The following HAGH variants were observed in gnomAD, a reference collection of about 807,000 sequenced individuals.
The protein encoded by HAGH is hydroxyacylglutathione hydrolase, mitochondrial.
Under a neutral mutation model 35.1 loss-of-function variants are expected in HAGH, and 29 were observed. That is an observed-to-expected ratio of 0.83 (90% CI 0.62 to 1.13). HAGH has a LOEUF of 1.13. Ranked by LOEUF, HAGH falls within the 50% of genes most tolerant of loss-of-function variation. HAGH has a pLI of 0.00. For missense variants in HAGH, 478 were observed against 419.6 expected, an observed-to-expected ratio of 1.14 and a Z score of -1.22; for synonymous variants, 225 against 176.1, an observed-to-expected ratio of 1.28 and a Z score of -2.20.
chr16:1,822,444 CA>C (rs1898197067), intron 2 of HAGH, 80 bp from the exon 3 acceptor site: 1 of 1,085,598 alleles, frequency 9.2e-7, no homozygotes, highest in Admixed American at 1.7e-5. Context: ...GGGTGCCCAG[CA>C]GAACCCAGGA....
upstream of HAGH, chr16:1,827,085 G>A (rs746561454): frequency 3.4e-6 from 4 of 1,166,194 alleles, no homozygotes; most frequent in East Asian, 2.6e-5. Flanking sequence ...TGGAGGCCGA[G>A]CGCCACGCCG....
intron 2 of HAGH, 33 bp from the exon 3 acceptor site, chr16:1,822,397 TCA>T: frequency 6.5e-7 from 1 of 1,528,108 alleles, no homozygotes; most frequent in Non-Finnish European, 9.0e-7. Flanking sequence ...CAAAGGCCTG[TCA>T]CACTCCTAGG....
chr16:1,827,009 A>G, upstream of HAGH: 1 of 666,498 alleles, frequency 1.5e-6, no homozygotes, highest in South Asian at 2.7e-5. Context: ...CGGCGGCCCG[A>G]GAGCTGCGCC....
chr16:1,819,058 A>C, intron 5 of HAGH, 57 bp downstream of exon 5: 1 of 1,088,584 alleles, frequency 9.2e-7, no homozygotes, highest in South Asian at 1.3e-5. Context: ...CCTGCCTGGC[A>C]GGAGACACAG....
intron 3 of HAGH, chr16:1,821,954 T>TGG (rs796844390): frequency 3.8e-5 from 6 of 159,886 alleles, no homozygotes; most frequent in African/African-American, 1.6e-4. Flanking sequence ...GTTTTTTTGT[T>TGG]TTTTTTTTTT....
At chr16:1,813,627 G>C (rs1013365187) in intron 7 of HAGH, among the ~76,000 whole-genome samples, 1 of 152,232 alleles carries the variant, frequency 6.6e-6, no homozygotes, top group Non-Finnish European at 1.5e-5. Context: ...TCAATGTTAA[G>C]ATCGCAATTC....
intron 7 of HAGH, among the ~76,000 whole-genome samples, chr16:1,812,794 G>A (rs550104183): frequency 2.6e-5 from 4 of 152,230 alleles, no homozygotes; most frequent in Non-Finnish European, 5.9e-5. Context: ...AGAGGCCGCA[G>A]AATGGGAGGC....
chr16:1,813,330 C>T (rs549082406), intron 7 of HAGH, among the ~76,000 whole-genome samples: 2 of 152,300 alleles, frequency 1.3e-5, no homozygotes, highest in South Asian at 2.1e-4. Flanking sequence ...CAGGTGCAGA[C>T]GCCCAGGCCA....
At chr16:1,819,303 C>T in intron 4 of HAGH, 80 bp from the exon 5 acceptor site, 1 of 820,802 alleles carries the variant, frequency 1.2e-6, no homozygotes, top group South Asian at 1.7e-5. Flanking sequence ...GCCGCCTGGG[C>T]CCTACTGGGC....
chr16:1,817,415 AG>A lies in HAGH; in HGVS notation c.542-145del, dbSNP rs1054422399. ...CCTCCGGCCACGGCTGCCCAGACTC[AG>A]CCCCCCTGCATTCCGGCTCCCACAT... On this transcript the variant is annotated intron_variant, in intron 5 of 8. Transcript: ENST00000397356. 1.1e-4 allele frequency: 70 copies of A among 655,738 alleles called. No individual in the cohort carries two copies. In the Admixed American group the frequency reaches 1.6e-3, roughly 15 times the overall value. 40.6% of individuals were successfully genotyped at this position (655,738 alleles called of 1,614,324 possible).
At chr16:1,823,089 C>T in intron 1 of HAGH, 52 bp from the exon 2 acceptor site, 2 of 1,511,944 alleles carry the variant, frequency 1.3e-6, no homozygotes, top group Non-Finnish European at 1.8e-6. Context: ...CCCTCCACGA[C>T]AGGACGCGCA....
chr16:1,816,647 T>A (rs1342961865), intron 7 of HAGH, among the ~76,000 whole-genome samples: 1 of 152,172 alleles, frequency 6.6e-6, no homozygotes, highest in African/African-American at 2.4e-5. Flanking sequence ...GCTCAGAATG[T>A]GGGAACAGGC....
At chr16:1,820,367 T>G (rs955650532) in intron 3 of HAGH, among the ~76,000 whole-genome samples, 8 of 151,844 alleles carry the variant, frequency 5.3e-5, no homozygotes, top group African/African-American at 1.9e-4. Flanking sequence ...GTGGATTTCT[T>G]GTCCTGGTGC....
At chr16:1,813,282 C>G (rs528036603) in intron 7 of HAGH, among the ~76,000 whole-genome samples, 2 of 152,208 alleles carry the variant, frequency 1.3e-5, no homozygotes, top group Admixed American at 1.3e-4. Context: ...CAGCTCCTTT[C>G]GCCTTCTGCC....
Position 1,819,975 on chromosome 16 carries a change from C to T in HAGH, c.354G>A (p.Glu118=). Residue 118 remains glutamate (E), a synonymous_variant, in exon 4 of 9, where the codon GAG becomes GAA. Transcript: ENST00000397356. ...AGGNEKLVKL[E]SGLKVYGGDD... The stretch of plus-strand genomic sequence containing the variant: ...CACCCCCGTACACCTTCAGTCCCGA[C>T]TCCAGCTTGACCAGTTTCTCATTCC... 2 of 1,613,562 alleles carry T rather than the reference C, an allele frequency of 1.2e-6. No individual in the cohort carries two copies. Among genetic ancestry groups the T allele is most frequent in the Non-Finnish European group, 1.7e-6 (2 of 1,179,824 alleles).
chr16:1,826,371 C>A, intron 1 of HAGH: 1 of 186,352 alleles, frequency 5.4e-6, no homozygotes, highest in Non-Finnish European at 1.0e-5. Flanking sequence ...GCCCTGCCCG[C>A]TGCGCCTCAG....
intron 7 of HAGH, among the ~76,000 whole-genome samples, chr16:1,815,932 A>ATTTTTTTT (rs61101799): frequency 9.8e-6 from 1 of 102,216 alleles, no homozygotes; most frequent in African/African-American, 3.8e-5. Context: ...GGCAGGGAGA[A>ATTTTTTTT]TTTTTTTTTT....
rs11558513 is a variant in HAGH at position 1,819,158 on chromosome 16, G to C, written c.498C>G (p.Phe166Leu). The change falls in exon 5 of 9, where the codon TTC (phenylalanine) becomes TTG (leucine). Residue 166 changes from phenylalanine to leucine, a missense_variant. Coordinates refer to ENST00000397356, the MANE Select transcript of HAGH (RefSeq NM_005326.6). ...GCTCCGAGCCTCCGGGCTTGCTCAC[G>C]AAGTAACAAATGTGTCCTGAAGTGT... Reference protein sequence around the residue: ...PCHTSGHICYFVSKPGGSEPP... With the variant: ...PCHTSGHICYLVSKPGGSEPP... 3 of 1,613,096 alleles carry C rather than the reference G, an allele frequency of 1.9e-6. No homozygotes were observed. Among genetic ancestry groups the C allele is most frequent in the Admixed American group, 1.7e-5 (1 of 59,984 alleles).
At chr16:1,826,898 A>C (rs1434727200), upstream of HAGH, 1 of 732,202 alleles carries the variant, frequency 1.4e-6, no homozygotes, top group African/African-American at 1.9e-5. Context: ...ATCAGCGTCC[A>C]CCTCGCACCG....
Sources: allele counts gnomAD v4.1 joint callset (sites outside exome capture counted in the v4.1 genomes callset), GRCh38; gene constraint gnomAD v4.1.1; transcripts MANE v1.5; gene names NCBI Gene and HGNC (gene_info 2026-07-23, HGNC 2026-07-21).